Variants in PDPK1 observed in about 807,000 individuals in gnomAD.
The protein encoded by PDPK1 is 3-phosphoinositide-dependent protein kinase 1.
In PDPK1, 7 loss-of-function variants were observed where a neutral mutation model predicts 39.8. The observed-to-expected ratio is 0.18, with a 90% CI of 0.10 to 0.33. The LOEUF is 0.33. Ranked by LOEUF, PDPK1 falls within the 10% of genes least tolerant of loss-of-function variation. The pLI is 1.00. For missense variants in PDPK1, 182 were observed against 384.7 expected (o/e 0.47, Z 4.41); for synonymous variants, 118 against 159.1 (o/e 0.74, Z 1.95).
intron 2 of PDPK1, among the ~76,000 whole-genome samples, chr16:2,558,428 A>G (rs539410561): frequency 1.3e-5 from 2 of 150,620 alleles, no homozygotes; most frequent in East Asian, 1.9e-4. Context: ...TACATAAAAC[A>G]GTACGCTCTG....
intron 1 of PDPK1, among the ~76,000 whole-genome samples, chr16:2,547,480 C>T (rs1250853228): frequency 5.5e-5 from 5 of 91,548 alleles, no homozygotes; most frequent in Non-Finnish European, 8.1e-5. Context: ...ATTGTATGTA[C>T]GTACCTGGTT....
rs554095762 is a variant in PDPK1, at chr16:2,602,832, T to C, written c.*5065T>C. On this transcript the variant is annotated 3_prime_UTR_variant, in exon 14 of 14. Transcript: ENST00000342085. ...GCAATGATACTAGGATATACACTTT[T>C]GTATTTTTATTCTTATATAAGGTTA... is the stretch of plus-strand genomic sequence containing the variant. 1 of 234,134 alleles carries C rather than the reference T, an allele frequency of 4.3e-6. No individual in the cohort carries two copies. Among genetic ancestry groups the C allele is most frequent in the Non-Finnish European group, 8.5e-6 (1 of 117,798 alleles). 14.5% of individuals were successfully genotyped at this position (234,134 alleles called of 1,614,324 possible). A position where few individuals can be genotyped will look rare whatever the true frequency, so the allele number is the denominator to read the frequency against.
chr16:2,561,039 AAC>A (rs1227196568), intron 2 of PDPK1, among the ~76,000 whole-genome samples: 1 of 150,166 alleles, frequency 6.7e-6, no homozygotes, highest in African/African-American at 2.5e-5. Flanking sequence ...AATGTATGAT[AAC>A]AGTTATTTCC....
At chr16:2,544,298 A>G (rs2066294527) in intron 1 of PDPK1, among the ~76,000 whole-genome samples, 1 of 152,100 alleles carries the variant, frequency 6.6e-6, no homozygotes, top group South Asian at 2.1e-4. Flanking sequence ...GCTTGGAGGG[A>G]GGTTCCCACA....
rs567476773 is a variant in PDPK1 at position 2,577,282 on chromosome 16, C to T, written c.710-143C>T. The stretch of plus-strand genomic sequence containing the variant: ...AGGGATCAGGCAGGCGTCTTTGAGC[C>T]GGTGAGCCATGAGCCAGCCCCGGTG... On this transcript the variant is annotated intron_variant, in intron 6 of 13. Coordinates refer to ENST00000342085, the MANE Select transcript of PDPK1 (RefSeq NM_002613.5). 696 of 715,732 alleles carry T rather than the reference C, an allele frequency of 9.7e-4. 79 individuals carry two copies. In the African/African-American group the frequency reaches 0.011, roughly 11 times the overall value. 44.3% of individuals were successfully genotyped at this position (715,732 alleles called of 1,614,324 possible).
chr16:2,538,231 C>G (rs1191662973), intron 1 of PDPK1, 95 bp downstream of exon 1: 4 of 624,602 alleles, frequency 6.4e-6, no homozygotes, highest in Non-Finnish European at 8.1e-6. Flanking sequence ...CCCGGGGTCC[C>G]GAGGGCCGGG....
chr16:2,545,099 C>T (rs1399518684), intron 1 of PDPK1, among the ~76,000 whole-genome samples: 8 of 143,234 alleles, frequency 5.6e-5, no homozygotes, highest in South Asian at 2.2e-4. Flanking sequence ...TGCAGTAGTG[C>T]GATCTTGGCT....
At chr16:2,594,965 C>A (rs939752381) in intron 11 of PDPK1, among the ~76,000 whole-genome samples, 5 of 151,762 alleles carry the variant, frequency 3.3e-5, no homozygotes, top group Non-Finnish European at 7.4e-5. Flanking sequence ...ACTAAAGATA[C>A]AAAAAAAATT....
At chr16:2,540,285 C>G (rs1027350232) in intron 1 of PDPK1, among the ~76,000 whole-genome samples, 3 of 152,222 alleles carry the variant, frequency 2.0e-5, no homozygotes, top group African/African-American at 4.8e-5. Context: ...AGACAGTGGC[C>G]TGGCCCAGTC....
In PDPK1 at chr16:2,599,730, C is replaced by T. The variant is rs919916712; in HGVS notation, c.*1963C>T. ...TTCCTCCTCCTCATCAGCTATTTTA[C>T]CCATCTCAGAACGTCCTGTGTCTCC... On this transcript the variant is annotated 3_prime_UTR_variant, in exon 14 of 14. Transcript: ENST00000342085. The T allele has an allele frequency of 1.3e-4, 31 of 233,564 alleles. No homozygotes were observed. Among genetic ancestry groups the T allele is most frequent in the Middle Eastern group, 1.2e-3 (1 of 810 alleles). 14.5% of individuals were successfully genotyped at this position (233,564 alleles called of 1,614,324 possible). A position where few individuals can be genotyped will look rare whatever the true frequency, so the allele number is the denominator to read the frequency against.
intron 10 of PDPK1, among the ~76,000 whole-genome samples, chr16:2,585,747 C>T (rs1431609280): frequency 6.6e-6 from 1 of 152,196 alleles, no homozygotes; most frequent in Non-Finnish European, 1.5e-5. Flanking sequence ...GGGTGCGAGG[C>T]TTTAGGGCTG....
chr16:2,599,821 G>A lies in PDPK1; in HGVS notation c.*2054G>A, dbSNP rs1387318924. On this transcript the variant is annotated 3_prime_UTR_variant, in exon 14 of 14. Transcript: ENST00000342085. ...GTTATAGGGAAACAAGTGGAGCAGG[G>A]ACGTGGCTTTAATTGGAGCACTCGG... 1 of 233,884 alleles carries A rather than the reference G, an allele frequency of 4.3e-6. No homozygotes were observed. Among genetic ancestry groups the A allele is most frequent in the Non-Finnish European group, 8.4e-6 (1 of 118,566 alleles). The allele number at this position is 233,884 out of a possible 1,614,324, so 14.5% of individuals were successfully genotyped here.
chr16:2,543,264 G>A (rs1253175135), intron 1 of PDPK1, among the ~76,000 whole-genome samples: 1 of 8,786 alleles, frequency 1.1e-4, no homozygotes, highest in South Asian at 1.8e-3. Flanking sequence ...GGTGTCTCTC[G>A]CCCCTTGCTG....
chr16:2,540,752 G>A (rs1374081154), intron 1 of PDPK1, among the ~76,000 whole-genome samples: 1 of 152,198 alleles, frequency 6.6e-6, no homozygotes, highest in African/African-American at 2.4e-5. Flanking sequence ...CTGTGATTCG[G>A]CCTTGTTTGA....
Position 2,586,783 on chromosome 16 carries a change from C to A in PDPK1, c.1233C>A (p.Asn411Lys). 6.2e-7 allele frequency: 1 copy of A among 1,614,226 alleles called. No homozygotes were observed. Among genetic ancestry groups the A allele is most frequent in the South Asian group, 1.1e-5 (1 of 91,088 alleles). Reference sequence around the variant, plus strand: ...GCCTGCCCCAGAGGTCAGGCAGCAACATAGAGCAGTACATTCACGATCTGG... The same window carrying A: ...GCCTGCCCCAGAGGTCAGGCAGCAAAATAGAGCAGTACATTCACGATCTGG... ...DTGLPQRSGS[N>K]IEQYIHDLDS... The change falls in exon 11 of 14, where the codon AAC becomes AAA. Residue 411 changes from asparagine to lysine, a missense_variant. Around this residue, in one of 5 missense-constraint regions of PDPK1, gnomAD observed 90 missense variants for 111.9 expected, o/e 0.80. Transcript: ENST00000342085.
At position 2,601,814 on chromosome 16, in the gene PDPK1, C is replaced by T. The variant is rs992592608; in HGVS notation, c.*4047C>T. ...GGTGTAGATTTCAGGCCGCCCCCCCCAACTCCCTGCCCACAGTGTTGCAGA... is the reference window on the plus strand; with the variant it reads ...GGTGTAGATTTCAGGCCGCCCCCCCTAACTCCCTGCCCACAGTGTTGCAGA... On this transcript the variant is annotated 3_prime_UTR_variant, in exon 14 of 14. Coordinates refer to ENST00000342085, the MANE Select transcript of PDPK1 (RefSeq NM_002613.5). The T allele has an allele frequency of 2.7e-5, 6 of 226,408 alleles. No homozygotes were observed. Among genetic ancestry groups the T allele is most frequent in the African/African-American group, 9.1e-5 (4 of 43,968 alleles). 14.0% of individuals were successfully genotyped at this position (226,408 alleles called of 1,614,324 possible).
chr16:2,594,948 C>T (rs757396882), intron 11 of PDPK1, among the ~76,000 whole-genome samples: 4 of 152,090 alleles, frequency 2.6e-5, no homozygotes, highest in South Asian at 2.1e-4. Context: ...GGTGAAACCC[C>T]GTCTCTACTA....
rs772597179 is a variant in PDPK1 at position 2,597,632 on chromosome 16, A to G, written c.1555-19A>G. 25 of 1,571,352 alleles carry G rather than the reference A, an allele frequency of 1.6e-5. No homozygotes were observed. Among genetic ancestry groups the G allele is most frequent in the Non-Finnish European group, 2.0e-5 (23 of 1,141,338 alleles). ...GGTGGGACTCCCTGGAGAACACTAAACGGCTTCTGTCTTCGCAGCCTAACA... is the reference window on the plus strand; with the variant it reads ...GGTGGGACTCCCTGGAGAACACTAAGCGGCTTCTGTCTTCGCAGCCTAACA... On this transcript the variant is annotated intron_variant, in intron 13 of 13. Transcript: ENST00000342085. This position sits in a 1 kb window ranked among gnomAD's most constrained non-coding sequence, Gnocchi z 6.3.
intron 1 of PDPK1, among the ~76,000 whole-genome samples, chr16:2,540,269 G>A (rs2066220267): frequency 6.6e-6 from 1 of 152,240 alleles, no homozygotes; most frequent in Admixed American, 6.5e-5. Context: ...GTGCGAGCGT[G>A]AAGGCAGACA....
Sources: allele counts gnomAD v4.1 joint callset (sites outside exome capture counted in the v4.1 genomes callset), GRCh38; gene constraint gnomAD v4.1.1; regional missense constraint gnomAD v4.1.1; non-coding constraint Gnocchi (gnomAD v3.1); transcripts MANE v1.5; gene names NCBI Gene and HGNC (gene_info 2026-07-23, HGNC 2026-07-21).